Variants in ABCB5 observed in about 807,000 individuals in gnomAD.
ABCB5 encodes ATP-binding cassette sub-family B member 5.
A neutral mutation model predicts 144.2 loss-of-function variants in ABCB5; 155 were observed. The ratio of observed to expected loss-of-function variants is 1.08; its 90% CI spans 0.94 to 1.23. The LOEUF is 1.23. Ranked by LOEUF, ABCB5 falls within the 50% of genes most tolerant of loss-of-function variation. ABCB5 has a pLI of 0.00. For missense variants in ABCB5, 1,830 were observed against 1,520.8 expected (o/e 1.20, Z -3.38); for synonymous variants, 610 against 528.6 (o/e 1.15, Z -2.11).
In ABCB5 at chr7:20,717,883, CTTTTTTTTTTTT is replaced by C. The variant is rs574592723; in HGVS notation, c.2422-5108_2422-5097del. Among the ~76,000 whole-genome samples the C allele has an allele frequency of 2.5e-4, 11 of 43,266 alleles. 1 individual carries two copies. The highest frequency in any genetic ancestry group is 3.7e-4 in the African/African-American group (5 of 13,664). 28.4% of individuals were successfully genotyped at this position (43,266 alleles called of 152,430 possible). On this transcript the variant is annotated intron_variant, in intron 20 of 27. Transcript: ENST00000404938. Reference sequence around the variant, plus strand: ...AATACGGTAACATTCTTGTAACATTCTTTTTTTTTTTTTTTTTTTTTTTTTTTTTTTTTTTTG... The same window carrying C: ...AATACGGTAACATTCTTGTAACATTCTTTTTTTTTTTTTTTTTTTTTTTTG...
In ABCB5 at chr7:20,619,226, T is replaced by C. The variant is rs571550924; in HGVS notation, c.-22+3389T>C. Among the ~76,000 whole-genome samples, 40 of 152,278 alleles carry C rather than the reference T, an allele frequency of 2.6e-4. No homozygotes were observed. The South Asian group carries it at 8.1e-3, about 31-fold the overall frequency. Reference sequence around the variant, plus strand: ...TTTCCTTTGGAATTGTTGGGTTGAATGGTAGTTCTGTTTTAAGTTCTTTGA... The same window carrying C: ...TTTCCTTTGGAATTGTTGGGTTGAACGGTAGTTCTGTTTTAAGTTCTTTGA... On this transcript the variant is annotated intron_variant, in intron 1 of 27. Coordinates refer to ENST00000404938, the MANE Select transcript of ABCB5 (RefSeq NM_001163941.2).
chr7:20,647,742 G>A (rs1784453714), intron 10 of ABCB5, 94 bp downstream of exon 10: 1 of 1,496,526 alleles, frequency 6.7e-7, no homozygotes. Context: ...ACAATAGGAT[G>A]GACAAATTTA....
At chr7:20,619,372 T>C (rs1346610009) in intron 1 of ABCB5, among the ~76,000 whole-genome samples, 3 of 152,172 alleles carry the variant, frequency 2.0e-5, no homozygotes, top group Non-Finnish European at 2.9e-5. Flanking sequence ...TTTTTGATAA[T>C]AGCCATTCTG....
At chr7:20,628,447 AAT>A (rs1271018039) in intron 3 of ABCB5, among the ~76,000 whole-genome samples, 2 of 152,184 alleles carry the variant, frequency 1.3e-5, no homozygotes, top group African/African-American at 4.8e-5. Context: ...TGCTATTGTG[AAT>A]AGTCAGCTGC....
chr7:20,700,196 T>C, intron 19 of ABCB5, 61 bp downstream of exon 19: 2 of 1,367,822 alleles, frequency 1.5e-6, no homozygotes, highest in Non-Finnish European at 2.0e-6. Flanking sequence ...ACATTCTAGC[T>C]TTAATTCTGT....
At chr7:20,652,718 C>G (rs1381891105) in intron 13 of ABCB5, among the ~76,000 whole-genome samples, 1 of 152,076 alleles carries the variant, frequency 6.6e-6, no homozygotes, top group Non-Finnish European at 1.5e-5. Flanking sequence ...GCTGTAAAGC[C>G]TTTTTTTAAA....
chr7:20,679,873 A>G (rs1202448514), intron 14 of ABCB5, among the ~76,000 whole-genome samples: 1 of 152,200 alleles, frequency 6.6e-6, no homozygotes, highest in Non-Finnish European at 1.5e-5. Context: ...AGTGAAGCAG[A>G]GCATATACAC....
intron 20 of ABCB5, among the ~76,000 whole-genome samples, chr7:20,722,143 T>C (rs1392500792): frequency 6.6e-6 from 1 of 152,220 alleles, no homozygotes; most frequent in Non-Finnish European, 1.5e-5. Context: ...TATGATTCTG[T>C]CATTTTCAAA....
chr7:20,672,842 G>A (rs1785492263), intron 14 of ABCB5, among the ~76,000 whole-genome samples: 1 of 152,072 alleles, frequency 6.6e-6, no homozygotes, highest in African/African-American at 2.4e-5. Flanking sequence ...GTTCATATAT[G>A]TGTGAGTTGT....
intron 26 of ABCB5, among the ~76,000 whole-genome samples, chr7:20,753,001 T>C (rs1006779216): frequency 6.6e-6 from 1 of 152,262 alleles, no homozygotes; most frequent in Non-Finnish European, 1.5e-5. Context: ...CTACTGCGAA[T>C]CATTTTAACC....
At chr7:20,685,212 G>A (rs967611018) in intron 15 of ABCB5, among the ~76,000 whole-genome samples, 2 of 152,074 alleles carry the variant, frequency 1.3e-5, no homozygotes, top group Non-Finnish European at 2.9e-5. Flanking sequence ...TGTTAGTTTT[G>A]TGTTTTGTTC....
At chr7:20,623,365 A>G in intron 2 of ABCB5, 27 bp downstream of exon 2, 2 of 1,512,700 alleles carry the variant, frequency 1.3e-6, no homozygotes, top group South Asian at 2.4e-5. Context: ...TTCTGTAAGT[A>G]TGCTTCCACA....
intron 23 of ABCB5, among the ~76,000 whole-genome samples, chr7:20,732,538 C>A (rs918218753): frequency 2.0e-5 from 3 of 152,122 alleles, no homozygotes; most frequent in Admixed American, 6.6e-5. Flanking sequence ...ATGACTGAAT[C>A]AAAATTAAGG....
At position 20,675,732 on chromosome 7, in the gene ABCB5, AG is replaced by A. The variant is rs568926284; in HGVS notation, c.1708-5771del. On this transcript the variant is annotated intron_variant, in intron 14 of 27. Coordinates refer to ENST00000404938, the MANE Select transcript of ABCB5 (RefSeq NM_001163941.2). ...CAGAATGAAAAGGTAGCCTACAAAA[AG>A]GAAAAAAAAATTGGAAACCATATAT... Among the ~76,000 whole-genome samples the A allele has an allele frequency of 2.8e-3, 429 of 152,058 alleles. 2 individuals carry two copies. Among genetic ancestry groups the A allele is most frequent in the African/African-American group, 9.6e-3 (398 of 41,556 alleles).
At chr7:20,632,032 C>G in intron 4 of ABCB5, 27 bp from the exon 5 acceptor site, 1 of 1,429,872 alleles carries the variant, frequency 7.0e-7, no homozygotes, top group Non-Finnish European at 9.4e-7. Flanking sequence ...TTAATTTCCT[C>G]TATATTTTAA....
intron 15 of ABCB5, among the ~76,000 whole-genome samples, chr7:20,682,248 T>C (rs1006553002): frequency 3.9e-5 from 6 of 152,186 alleles, no homozygotes; most frequent in African/African-American, 1.4e-4. Flanking sequence ...ATGTGGAAGA[T>C]ACTGTGATGT....
rs575332701 is a variant in ABCB5 at position 20,668,524 on chromosome 7, G to A, written c.1707+9848G>A. 3.2e-4 allele frequency among the ~76,000 whole-genome samples: 48 copies of A among 151,746 alleles called. No individual in the cohort carries two copies. In the East Asian group the frequency reaches 7.6e-3, roughly 24 times the overall value. The stretch of plus-strand genomic sequence containing the variant: ...TGAGAAGTGAGGAGCCCCTCCGTCC[G>A]GCAGCCACCCCGTCTGGGAAATGAG... On this transcript the variant is annotated intron_variant, in intron 14 of 27. Transcript: ENST00000404938.
At chr7:20,741,031 A>G (rs1782545257) in intron 24 of ABCB5, among the ~76,000 whole-genome samples, 1 of 146,694 alleles carries the variant, frequency 6.8e-6, no homozygotes, top group African/African-American at 2.5e-5. Flanking sequence ...TGAACCTGGG[A>G]GGCAGAGATT....
chr7:20,645,939 A>C (rs764972002), intron 8 of ABCB5, 22 bp from the exon 9 acceptor site: 2 of 1,612,552 alleles, frequency 1.2e-6, no homozygotes, highest in South Asian at 1.1e-5. Context: ...GTGGCTACTA[A>C]GTTGTGTTCT....
Sources: gnomAD v4.1 joint callset for allele counts (sites outside exome capture counted in the v4.1 genomes callset) on GRCh38, gnomAD v4.1.1 for gene constraint, MANE v1.5 for transcripts, NCBI Gene and HGNC (gene_info 2026-07-23, HGNC 2026-07-21) for gene names.